The following PRKN variants were observed in gnomAD, a reference collection of about 807,000 sequenced individuals.
The protein encoded by PRKN is E3 ubiquitin-protein ligase parkin.
PRKN carries 56 observed loss-of-function variants against 59.5 expected under a neutral mutation model. The observed-to-expected ratio is 0.94, with a 90% confidence interval of 0.76 to 1.18. PRKN has a LOEUF of 1.18. PRKN is among the 50% of genes most tolerant of loss of function. The pLI is 0.00. For synonymous variants in PRKN, 250 were observed against 222.1 expected (o/e 1.13, Z -1.12); for missense variants, 657 against 596.4 (o/e 1.10, Z -1.06).
At chr6:161,580,397 T>C (rs896922207) in intron 7 of PRKN, among the ~76,000 whole-genome samples, 4 of 152,180 alleles carry the variant, frequency 2.6e-5, no homozygotes, top group Non-Finnish European at 5.9e-5. Flanking sequence ...GGCCCTGGTA[T>C]AAGCAATTCC....
intron 8 of PRKN, among the ~76,000 whole-genome samples, chr6:161,559,237 C>T (rs1231062434): frequency 6.6e-6 from 1 of 151,980 alleles, no homozygotes. Flanking sequence ...GCTTCCTTGT[C>T]CCCTCTCCAT....
intron 1 of PRKN, among the ~76,000 whole-genome samples, chr6:162,582,687 AT>A (rs1300400256): frequency 6.6e-6 from 1 of 152,126 alleles, no homozygotes; most frequent in Admixed American, 6.6e-5. Flanking sequence ...GTTTGTTTTT[AT>A]TTTAAGCTTT....
chr6:162,685,424 A>G (rs1274865693), intron 1 of PRKN, among the ~76,000 whole-genome samples: 2 of 152,136 alleles, frequency 1.3e-5, no homozygotes, highest in South Asian at 2.1e-4. Flanking sequence ...ATATATATAT[A>G]TAACTATTAA....
At chr6:161,931,365 G>T (rs765096332) in intron 6 of PRKN, among the ~76,000 whole-genome samples, 17 of 152,140 alleles carry the variant, frequency 1.1e-4, no homozygotes, top group Non-Finnish European at 2.4e-4. Context: ...TTGAACCTGG[G>T]AGGTAGAGGT....
intron 7 of PRKN, among the ~76,000 whole-genome samples, chr6:161,717,323 C>A (rs1451869169): frequency 6.6e-6 from 1 of 152,154 alleles, no homozygotes; most frequent in Non-Finnish European, 1.5e-5. Flanking sequence ...TCCCAAAGGT[C>A]CCACCCACCT....
At chr6:161,994,162 G>A (rs1222493555) in intron 5 of PRKN, among the ~76,000 whole-genome samples, 2 of 150,490 alleles carry the variant, frequency 1.3e-5, no homozygotes, top group Non-Finnish European at 3.0e-5. Flanking sequence ...AGGGATGTAA[G>A]AATGGTTGAA....
intron 1 of PRKN, among the ~76,000 whole-genome samples, chr6:162,468,424 C>A (rs1791543048): frequency 6.6e-6 from 1 of 152,172 alleles, no homozygotes; most frequent in South Asian, 2.1e-4. Context: ...CAGTGTCTGT[C>A]CAGTGCTGGA....
In PRKN at chr6:162,382,202, C is replaced by G. The variant is rs574028576; in HGVS notation, c.171+61108G>C. ...TCACCTAATGATGCTGATGATCCAT[C>G]TCAGCCAAAACAAATCCTTAAAACC... On this transcript the variant is annotated intron_variant, in intron 2 of 11. Transcript: ENST00000366898. 9.9e-5 allele frequency among the ~76,000 whole-genome samples: 15 copies of G among 152,262 alleles called. No homozygotes were observed. In the South Asian group the frequency reaches 3.1e-3, roughly 32 times the overall value.
chr6:162,516,481 G>A (rs567031723), intron 1 of PRKN, among the ~76,000 whole-genome samples: 1 of 152,322 alleles, frequency 6.6e-6, no homozygotes, highest in East Asian at 1.9e-4. Flanking sequence ...GCCAGGTGTG[G>A]TGGCTCACGC....
chr6:161,905,509 T>G (rs1341717704), intron 6 of PRKN, among the ~76,000 whole-genome samples: 1 of 152,044 alleles, frequency 6.6e-6, no homozygotes, highest in Non-Finnish European at 1.5e-5. Context: ...CCCACGGGAG[T>G]GCTCAGCTCT....
At chr6:161,642,961 A>T (rs1471757357) in intron 7 of PRKN, among the ~76,000 whole-genome samples, 1 of 152,230 alleles carries the variant, frequency 6.6e-6, no homozygotes, top group East Asian at 1.9e-4. Flanking sequence ...CATTCTTTTA[A>T]ATCAGTCTTT....
At chr6:161,652,903 GT>G (rs1214165009) in intron 7 of PRKN, among the ~76,000 whole-genome samples, 1 of 152,174 alleles carries the variant, frequency 6.6e-6, no homozygotes, top group Non-Finnish European at 1.5e-5. Context: ...ATTCAACATA[GT>G]TTTTCAAACT....
intron 5 of PRKN, among the ~76,000 whole-genome samples, chr6:162,021,617 C>T (rs1047060774): frequency 3.3e-5 from 5 of 151,988 alleles, no homozygotes; most frequent in East Asian, 3.9e-4. Flanking sequence ...TATTACTGTG[C>T]GTACAAATCA....
At chr6:162,443,210 A>T (rs1790143373) in intron 2 of PRKN, 100 bp downstream of exon 2, 1 of 1,225,268 alleles carries the variant, frequency 8.2e-7, no homozygotes, top group South Asian at 1.2e-5. Flanking sequence ...GGCACTATTT[A>T]TTCTATTAGA....
intron 3 of PRKN, among the ~76,000 whole-genome samples, chr6:162,223,520 A>G (rs1020543986): frequency 2.6e-5 from 4 of 152,042 alleles, no homozygotes; most frequent in African/African-American, 9.7e-5. Flanking sequence ...AGAATTCTAC[A>G]GGCTGGTATT....
At chr6:162,308,984 T>A (rs1782353905) in intron 2 of PRKN, among the ~76,000 whole-genome samples, 1 of 152,064 alleles carries the variant, frequency 6.6e-6, no homozygotes, top group South Asian at 2.1e-4. Flanking sequence ...CATAAAAAAA[T>A]GGAAACAAAC....
At chr6:161,871,610 C>G (rs1794344621) in intron 6 of PRKN, among the ~76,000 whole-genome samples, 1 of 152,148 alleles carries the variant, frequency 6.6e-6, no homozygotes, top group Admixed American at 6.5e-5. Flanking sequence ...ACTGGACCAG[C>G]CAGAGCCCTC....
chr6:161,828,468 T>TC (rs1792337907), intron 6 of PRKN, among the ~76,000 whole-genome samples: 1 of 152,172 alleles, frequency 6.6e-6, no homozygotes, highest in Non-Finnish European at 1.5e-5. Flanking sequence ...AGCAATCTAG[T>TC]GCTGGCTGCT....
chr6:162,461,328 C>G (rs1443041554), intron 1 of PRKN, among the ~76,000 whole-genome samples: 2 of 149,754 alleles, frequency 1.3e-5, no homozygotes, highest in Non-Finnish European at 3.0e-5. Context: ...ATGGCAAAAC[C>G]CCATCTCTAC....
Sources: gnomAD v4.1 joint callset for allele counts (sites outside exome capture counted in the v4.1 genomes callset) on GRCh38, gnomAD v4.1.1 for gene constraint, MANE v1.5 for transcripts, NCBI Gene and HGNC (gene_info 2026-07-23, HGNC 2026-07-21) for gene names.